Variants in NTRK3 observed in about 807,000 individuals in gnomAD.
The protein encoded by NTRK3 is neurotrophic receptor tyrosine kinase 3.
Under a neutral mutation model 91.7 loss-of-function variants are expected in NTRK3, and 24 were observed. That is an observed-to-expected ratio of 0.26 (90% CI 0.19 to 0.37). The LOEUF is 0.37. NTRK3 is among the 10% of genes least tolerant of loss of function. NTRK3 has a pLI of 1.00. For synonymous variants in NTRK3, 483 were observed against 404.0 expected (o/e 1.20, Z -2.34); for missense variants, 880 against 1,068.9 (o/e 0.82, Z 2.46).
intron 14 of NTRK3, among the ~76,000 whole-genome samples, chr15:87,969,055 T>C (rs1048891811): frequency 4.6e-5 from 7 of 152,306 alleles, no homozygotes; most frequent in African/African-American, 1.4e-4. Flanking sequence ...CCAAGGTATT[T>C]TGAACACAAT....
intron 13 of NTRK3, among the ~76,000 whole-genome samples, chr15:88,045,545 C>G (rs761301126): frequency 6.6e-6 from 1 of 152,224 alleles, no homozygotes; most frequent in Non-Finnish European, 1.5e-5. Context: ...CATTGCCTCT[C>G]CAAAGCTGTG....
intron 14 of NTRK3, among the ~76,000 whole-genome samples, chr15:88,017,983 A>G: frequency 6.6e-6 from 1 of 152,290 alleles, no homozygotes. Flanking sequence ...AGGTCTGGGG[A>G]CAGAAGCTTA....
chr15:88,109,183 C>T (rs2051047506), intron 13 of NTRK3, among the ~76,000 whole-genome samples: 1 of 152,142 alleles, frequency 6.6e-6, no homozygotes, highest in Admixed American at 6.5e-5. Flanking sequence ...AGATCACTGG[C>T]GAGGGCCCGG....
At chr15:88,184,532 G>C (rs993386676) in intron 3 of NTRK3, among the ~76,000 whole-genome samples, 6 of 152,184 alleles carry the variant, frequency 3.9e-5, no homozygotes, top group African/African-American at 7.2e-5. Context: ...CCAAGTTCCT[G>C]GCCCATGGAT....
At chr15:88,226,408 A>G (rs2050681228) in intron 3 of NTRK3, among the ~76,000 whole-genome samples, 2 of 152,214 alleles carry the variant, frequency 1.3e-5, no homozygotes, top group African/African-American at 4.8e-5. Context: ...GCAGTCCACA[A>G]GGTGGCCCTG....
intron 13 of NTRK3, among the ~76,000 whole-genome samples, chr15:88,033,850 C>T (rs2078826570): frequency 6.6e-6 from 1 of 152,146 alleles, no homozygotes; most frequent in Admixed American, 6.5e-5. Flanking sequence ...TATGTAGCAA[C>T]AATAGGATTT....
intron 15 of NTRK3, among the ~76,000 whole-genome samples, chr15:87,934,421 A>G (rs1468649705): frequency 6.6e-6 from 1 of 152,176 alleles, no homozygotes; most frequent in Non-Finnish European, 1.5e-5. Flanking sequence ...TCTGCTAGGC[A>G]TCTGGCTTTT....
At chr15:88,238,257 C>A (rs765391433) in intron 3 of NTRK3, among the ~76,000 whole-genome samples, 9 of 151,980 alleles carry the variant, frequency 5.9e-5, no homozygotes, top group Admixed American at 2.0e-4. Flanking sequence ...GCAGCCCCAG[C>A]CAAGAAATAT....
At chr15:87,921,066 G>C (rs571685045) in intron 17 of NTRK3, among the ~76,000 whole-genome samples, 1 of 152,016 alleles carries the variant, frequency 6.6e-6, no homozygotes, top group African/African-American at 2.4e-5. Context: ...GGATATATGG[G>C]AATTCTCTAC....
At chr15:87,916,537 T>G (rs2067457766) in intron 17 of NTRK3, 1 of 702,354 alleles carries the variant, frequency 1.4e-6, no homozygotes, top group South Asian at 1.5e-5. Flanking sequence ...TTTTCCCCAG[T>G]ATCAGTCCTC....
chr15:87,906,790 TACC>T (rs1365281839), intron 17 of NTRK3, among the ~76,000 whole-genome samples: 1 of 152,166 alleles, frequency 6.6e-6, no homozygotes, highest in Non-Finnish European at 1.5e-5. Context: ...CCACTATTAC[TACC>T]ACCAAGTACT....
chr15:88,035,237 G>A (rs1014918769), intron 13 of NTRK3, among the ~76,000 whole-genome samples: 1 of 152,212 alleles, frequency 6.6e-6, no homozygotes, highest in Non-Finnish European at 1.5e-5. Flanking sequence ...AAGGACAAGA[G>A]AGCCAGGAAG....
At chr15:87,869,449 A>T (rs959729648) in exon 19 of NTRK3, 1 of 223,220 alleles carries the variant, frequency 4.5e-6, no homozygotes, top group East Asian at 6.5e-5. Flanking sequence ...CTTCTTCAGA[A>T]GTCTTAATAT....
chr15:88,254,212 C>A (rs1309943600), intron 3 of NTRK3, among the ~76,000 whole-genome samples: 1 of 152,186 alleles, frequency 6.6e-6, no homozygotes, highest in African/African-American at 2.4e-5. Flanking sequence ...CCACCCCCTA[C>A]ACACATACAC....
At chr15:87,860,931 C>T (rs149259159) in exon 19 of NTRK3, 27 of 222,834 alleles carry the variant, frequency 1.2e-4, no homozygotes, top group African/African-American at 5.3e-4. Context: ...CGTCTCCACC[C>T]ATAAATGATG....
Position 87,983,519 on chromosome 15 carries a change from A to G in NTRK3, c.1586-42766T>C, listed in dbSNP as rs1344209954. Among the ~76,000 whole-genome samples, 5 of 152,234 alleles carry G rather than the reference A, an allele frequency of 3.3e-5. No individual in the cohort carries two copies. In the East Asian group the frequency reaches 9.6e-4, roughly 29 times the overall value. ...AGATCTATATAAGGGAGTGCCAGTG[A>G]CAGGTATCACCTACAGTTAGTTCTT... On this transcript the variant is annotated intron_variant, in intron 14 of 18. Coordinates refer to ENST00000394480, the Ensembl canonical transcript of NTRK3.
At chr15:88,171,265 T>A (rs1378829687) in intron 5 of NTRK3, among the ~76,000 whole-genome samples, 1 of 152,132 alleles carries the variant, frequency 6.6e-6, no homozygotes, top group Admixed American at 6.5e-5. Context: ...TATCTCAATT[T>A]CCTCGTTGAG....
chr15:88,143,775 A>T (rs2042617626), intron 6 of NTRK3, among the ~76,000 whole-genome samples: 1 of 152,204 alleles, frequency 6.6e-6, no homozygotes, highest in Admixed American at 6.5e-5. Context: ...GGGAAGAGAA[A>T]TGCACCAGGA....
chr15:87,933,895 A>G (rs1209732361), intron 15 of NTRK3, among the ~76,000 whole-genome samples: 1 of 152,158 alleles, frequency 6.6e-6, no homozygotes, highest in Non-Finnish European at 1.5e-5. Flanking sequence ...TGCAGGATGG[A>G]AAGGAGCATC....
Sources: allele counts gnomAD v4.1 joint callset (sites outside exome capture counted in the v4.1 genomes callset), GRCh38; gene constraint gnomAD v4.1.1; transcripts MANE v1.5; gene names NCBI Gene and HGNC (gene_info 2026-07-23, HGNC 2026-07-21).